Variants in NAV2 observed in about 807,000 individuals in gnomAD.
NAV2 encodes the protein helicase, APC down-regulated 1.
In NAV2, 54 loss-of-function variants were observed where a neutral mutation model predicts 223.2. That is an observed-to-expected ratio of 0.24 (90% CI 0.19 to 0.30). NAV2 has a LOEUF of 0.30. Among genes scored for constraint, NAV2 ranks in the 10% least tolerant of loss-of-function variants. NAV2 has a pLI of 1.00. For missense variants in NAV2, 2,806 were observed against 3,147.5 expected (o/e 0.89, Z 2.60); for synonymous variants, 1,279 against 1,239.3 (o/e 1.03, Z -0.67).
intron 26 of NAV2, among the ~76,000 whole-genome samples, chr11:20,083,553 G>A (rs974066164): frequency 6.6e-6 from 1 of 152,172 alleles, no homozygotes; most frequent in African/African-American, 2.4e-5. Flanking sequence ...AGTAAGAAAG[G>A]CTGGCCCTGC....
intron 1 of NAV2, among the ~76,000 whole-genome samples, chr11:19,641,755 C>T (rs544468950): frequency 2.0e-5 from 3 of 152,194 alleles, no homozygotes; most frequent in South Asian, 4.2e-4. Flanking sequence ...CCCCTGGCCC[C>T]GCCCAGGAAG....
chr11:19,899,135 A>G (rs141508622), intron 6 of NAV2, among the ~76,000 whole-genome samples: 2 of 152,216 alleles, frequency 1.3e-5, no homozygotes, highest in East Asian at 3.9e-4. Flanking sequence ...TCCGTGATCC[A>G]TGCTTTCTGG....
At chr11:19,678,692 T>C (rs2048790629) in intron 1 of NAV2, among the ~76,000 whole-genome samples, 1 of 151,852 alleles carries the variant, frequency 6.6e-6, no homozygotes, top group Admixed American at 6.6e-5. Flanking sequence ...ATGGGGAAAA[T>C]GCCAGGTGAA....
intron 1 of NAV2, among the ~76,000 whole-genome samples, chr11:19,447,717 G>A (rs1436691528): frequency 6.6e-6 from 1 of 152,232 alleles, no homozygotes; most frequent in African/African-American, 2.4e-5. Flanking sequence ...CTTACCCACA[G>A]AATAAGTCAC....
intron 31 of NAV2, 70 bp downstream of exon 31, chr11:20,097,815 C>T: frequency 7.2e-7 from 1 of 1,381,372 alleles, no homozygotes; most frequent in Non-Finnish European, 9.8e-7. Flanking sequence ...TTGGCATAGG[C>T]ACTTGTGGCC....
intron 3 of NAV2, among the ~76,000 whole-genome samples, chr11:19,857,760 T>C (rs1358971895): frequency 6.6e-6 from 1 of 152,252 alleles, no homozygotes; most frequent in Non-Finnish European, 1.5e-5. Flanking sequence ...GTAGAATTGA[T>C]ATATGTATAC....
chr11:19,527,261 A>T (rs2043869937), intron 1 of NAV2, among the ~76,000 whole-genome samples: 1 of 151,328 alleles, frequency 6.6e-6, no homozygotes, highest in Non-Finnish European at 1.5e-5. Flanking sequence ...CTTTTGCGTG[A>T]CTCTCATTCT....
chr11:19,834,351 C>T (rs187593212), intron 2 of NAV2, among the ~76,000 whole-genome samples: 1 of 152,212 alleles, frequency 6.6e-6, no homozygotes, highest in Admixed American at 6.5e-5. Context: ...GAATTCTAAC[C>T]CAGGCAGTCT....
At chr11:19,533,851 C>T (rs1029951892) in intron 1 of NAV2, among the ~76,000 whole-genome samples, 2 of 144,014 alleles carry the variant, frequency 1.4e-5, no homozygotes, top group Non-Finnish European at 3.0e-5. Flanking sequence ...GGACTACAGG[C>T]GCCCGCCACT....
chr11:19,378,349 T>G (rs949799300), intron 1 of NAV2, among the ~76,000 whole-genome samples: 21 of 152,254 alleles, frequency 1.4e-4, no homozygotes, highest in African/African-American at 4.8e-4. Context: ...ATTACCCCCC[T>G]GCCCTGAGTT....
At chr11:19,578,676 A>G (rs1309181821) in intron 1 of NAV2, among the ~76,000 whole-genome samples, 1 of 152,218 alleles carries the variant, frequency 6.6e-6, no homozygotes, top group Non-Finnish European at 1.5e-5. Context: ...TTTGTGCAAT[A>G]TGTTGACCAT....
At chr11:19,650,436 T>C (rs1225330784) in intron 1 of NAV2, among the ~76,000 whole-genome samples, 1 of 152,208 alleles carries the variant, frequency 6.6e-6, no homozygotes, top group Non-Finnish European at 1.5e-5. Flanking sequence ...ACCTTGATTT[T>C]GGACTTATAG....
chr11:19,743,333 C>A (rs1031754767), intron 1 of NAV2, among the ~76,000 whole-genome samples: 1 of 152,184 alleles, frequency 6.6e-6, no homozygotes, highest in African/African-American at 2.4e-5. Context: ...CATAACCAAC[C>A]ACTACCCAAG....
intron 1 of NAV2, among the ~76,000 whole-genome samples, chr11:19,768,434 C>T (rs1184087125): frequency 6.6e-6 from 1 of 152,046 alleles, no homozygotes; most frequent in Non-Finnish European, 1.5e-5. Flanking sequence ...CTTCTGGGCA[C>T]CCCTCCGAGA....
chr11:19,707,895 C>A (rs2049718899), upstream of NAV2, among the ~76,000 whole-genome samples: 1 of 152,206 alleles, frequency 6.6e-6, no homozygotes, highest in Non-Finnish European at 1.5e-5. Context: ...GGACCGCCAT[C>A]ATTATATGCA....
At chr11:19,540,342 A>G (rs1425820062) in intron 1 of NAV2, among the ~76,000 whole-genome samples, 1 of 152,178 alleles carries the variant, frequency 6.6e-6, no homozygotes, top group African/African-American at 2.4e-5. Flanking sequence ...TCACAACAAA[A>G]TTATCACAAC....
chr11:19,893,511 G>A (rs112750031), intron 6 of NAV2, among the ~76,000 whole-genome samples: 5 of 152,126 alleles, frequency 3.3e-5, no homozygotes, highest in Admixed American at 1.3e-4. Context: ...GACATGGGCA[G>A]CCCTCCTACT....
At chr11:19,589,727 C>A (rs546578475) in intron 1 of NAV2, among the ~76,000 whole-genome samples, 1 of 152,182 alleles carries the variant, frequency 6.6e-6, no homozygotes, top group Non-Finnish European at 1.5e-5. Context: ...GCCTAGAAGC[C>A]GATCAGCCAT....
intron 1 of NAV2, among the ~76,000 whole-genome samples, chr11:19,411,368 C>G (rs1406157219): frequency 6.6e-6 from 1 of 152,186 alleles, no homozygotes; most frequent in Non-Finnish European, 1.5e-5. Flanking sequence ...CCACCAATAG[C>G]ATTTCCTTCC....
Sources: allele counts gnomAD v4.1 joint callset (sites outside exome capture counted in the v4.1 genomes callset), GRCh38; gene constraint gnomAD v4.1.1; transcripts MANE v1.5; gene names NCBI Gene and HGNC (gene_info 2026-07-23, HGNC 2026-07-21).